Variants in UGT2B4 observed in about 807,000 individuals in gnomAD.
UGT2B4 encodes the protein UDP glucuronosyltransferase family 2 member B4.
Under a neutral mutation model 49.8 loss-of-function variants are expected in UGT2B4, and 49 were observed. That is an observed-to-expected ratio of 0.98 (90% CI 0.78 to 1.25). The LOEUF (loss-of-function observed/expected upper bound fraction) is 1.25. UGT2B4 is among the 50% of genes most tolerant of loss of function. UGT2B4 has a pLI of 0.00. For synonymous variants in UGT2B4, 246 were observed against 217.7 expected, an observed-to-expected ratio of 1.13 and a Z score of -1.14; for missense variants, 729 against 627.7, an observed-to-expected ratio of 1.16 and a Z score of -1.73.
At position 69,480,836 on chromosome 4, in the gene UGT2B4, A is replaced by C. The variant is rs550152016; in HGVS notation, c.1385T>G (p.Phe462Cys). 1.2e-6 allele frequency: 2 copies of C among 1,613,762 alleles called. No homozygotes were observed. Among genetic ancestry groups the C allele is most frequent in the African/African-American group, 2.7e-5 (2 of 74,888 alleles). The change falls in exon 6 of 6, where the codon TTC becomes TGC. Residue 462 changes from phenylalanine to cysteine, a missense_variant. By Grantham distance (205) the Phe-to-Cys change is radical. Transcript: ENST00000305107. Reference protein sequence around the residue: ...QPVKPLDRAVFWIEFVMRHKG... With the variant: ...QPVKPLDRAVCWIEFVMRHKG... ...ATGGCGCATGACAAATTCAATCCAGAAGACTGCTCGATCAAGGGGCTTCAC... is the reference window on the plus strand; with the variant it reads ...ATGGCGCATGACAAATTCAATCCAGCAGACTGCTCGATCAAGGGGCTTCAC...
chr4:69,495,201 C>T lies in UGT2B4; in HGVS notation c.661G>A (p.Glu221Lys), dbSNP rs1268568675. Residue 221 changes from glutamate (E) to lysine (K), a missense_variant, in exon 1 of 6, where the codon GAA (glutamate) becomes AAA (lysine). Physicochemically the swap from Glu to Lys is moderately conservative, Grantham distance 56. Transcript: ENST00000305107. ...VKNMIYVLYF[E>K]FWFQIFDMKK... ...ATGTCAAATATTTGGAACCAAAATT[C>T]AAAATAAAGCACATAGATCATATTT... The T allele has an allele frequency of 6.3e-7, 1 of 1,592,698 alleles. No homozygotes were observed. The highest frequency in any genetic ancestry group is 8.5e-7 in the Non-Finnish European group (1 of 1,172,666).
intron 1 of UGT2B4, among the ~76,000 whole-genome samples, chr4:69,521,951 A>G (rs1463914306): frequency 6.6e-6 from 1 of 152,226 alleles, no homozygotes; most frequent in Non-Finnish European, 1.5e-5. Flanking sequence ...CAAGTGTAGT[A>G]TATTAATGAT....
intron 2 of UGT2B4, among the ~76,000 whole-genome samples, chr4:69,491,817 A>G (rs988584439): frequency 3.3e-5 from 5 of 151,944 alleles, no homozygotes; most frequent in African/African-American, 7.3e-5. Flanking sequence ...CATTAGTCTT[A>G]TCTCAGCTTT....
At chr4:69,490,558 C>G (rs1329932191) in intron 2 of UGT2B4, among the ~76,000 whole-genome samples, 1 of 152,084 alleles carries the variant, frequency 6.6e-6, no homozygotes, top group African/African-American at 2.4e-5. Flanking sequence ...ATCATTCTGA[C>G]CTGTGTTCCC....
intron 1 of UGT2B4, among the ~76,000 whole-genome samples, chr4:69,514,168 C>T (rs1170966736): frequency 1.3e-5 from 2 of 151,912 alleles, no homozygotes; most frequent in African/African-American, 2.4e-5. Context: ...TATACATGTG[C>T]CATGTTGGTG....
At chr4:69,523,167 A>G (rs903925752) in intron 1 of UGT2B4, among the ~76,000 whole-genome samples, 6 of 152,158 alleles carry the variant, frequency 3.9e-5, no homozygotes, top group Admixed American at 3.9e-4. Context: ...ACTCCTTTTA[A>G]TGTTATTTTA....
chr4:69,489,509 G>A lies in UGT2B4; in HGVS notation c.932C>T (p.Ser311Leu), dbSNP rs779529648. The change falls in exon 3 of 6, where the codon TCG becomes TTG. Residue 311 changes from serine to leucine, a missense_variant. Ser to Leu is a moderately radical substitution (Grantham distance 145, BLOSUM62 -2). Coordinates refer to ENST00000305107, the MANE Select transcript of UGT2B4 (RefSeq NM_021139.3). ...TTCTTCTGACGTGTTACTGACCATC[G>A]ACCCCAGAGAAAACACCACAACACC... ...ENGVVVFSLG[S>L]MVSNTSEERA... The A allele has an allele frequency of 9.3e-6, 15 of 1,611,228 alleles. No homozygotes were observed. The Admixed American group carries it at 1.8e-4, about 20-fold the overall frequency.
chr4:69,507,432 A>T (rs1728503011), intron 1 of UGT2B4, among the ~76,000 whole-genome samples: 1 of 152,194 alleles, frequency 6.6e-6, no homozygotes, highest in African/African-American at 2.4e-5. Context: ...GCAAGAGCCA[A>T]GCCAAGATCC....
At chr4:69,505,747 A>G (rs1456180861) in intron 1 of UGT2B4, among the ~76,000 whole-genome samples, 1 of 152,120 alleles carries the variant, frequency 6.6e-6, no homozygotes, top group Non-Finnish European at 1.5e-5. Context: ...TCCACCCCAA[A>G]CAGAAGAATA....
intron 1 of UGT2B4, chr4:69,517,971 G>A (rs1728769987): frequency 6.5e-6 from 1 of 154,828 alleles, no homozygotes; most frequent in Non-Finnish European, 1.5e-5. Context: ...CAGTTTAGTT[G>A]GGTTCCTCTT....
In UGT2B4 at chr4:69,487,679, C is replaced by T. The variant is rs181814231; in HGVS notation, c.1003-983G>A. Among the ~76,000 whole-genome samples the T allele has an allele frequency of 2.1e-3, 327 of 152,182 alleles. 3 individuals are homozygous for T. The highest frequency in any genetic ancestry group is 1.6e-3 in the Non-Finnish European group (106 of 67,980). On this transcript the variant is annotated intron_variant, in intron 3 of 5. Coordinates refer to ENST00000305107, the MANE Select transcript of UGT2B4 (RefSeq NM_021139.3). ...TACCTGTAAGATGAAACAGTCCATA[C>T]AACAAACCCCAAGACATAAGTTTAC...
At chr4:69,483,626 A>T (rs1727678257) in intron 5 of UGT2B4, among the ~76,000 whole-genome samples, 1 of 152,040 alleles carries the variant, frequency 6.6e-6, no homozygotes, top group East Asian at 1.9e-4. Flanking sequence ...ATCATTCATT[A>T]TCCTTCTATT....
At chr4:69,489,147 T>C (rs1465009507) in intron 3 of UGT2B4, among the ~76,000 whole-genome samples, 2 of 152,124 alleles carry the variant, frequency 1.3e-5, no homozygotes, top group Admixed American at 1.3e-4. Flanking sequence ...AATTTGGTGA[T>C]AGCTCTTACC....
At chr4:69,524,120 G>C (rs371090172) in intron 1 of UGT2B4, among the ~76,000 whole-genome samples, 53,276 of 151,716 alleles carry the variant, frequency 0.35, 9,432 homozygotes, top group Non-Finnish European at 0.37. Context: ...CGATAATGCA[G>C]ATTAACTTCT....
intron 1 of UGT2B4, among the ~76,000 whole-genome samples, chr4:69,509,535 C>A (rs942418738): frequency 6.6e-6 from 1 of 152,122 alleles, no homozygotes; most frequent in African/African-American, 2.4e-5. Flanking sequence ...CTAAAAAATA[C>A]ATCCTAAGAG....
chr4:69,515,793 T>C (rs1012346359), intron 1 of UGT2B4, among the ~76,000 whole-genome samples: 3 of 151,348 alleles, frequency 2.0e-5, no homozygotes, highest in African/African-American at 2.4e-5. Context: ...GAGAAAAGAA[T>C]TAAAAAAAAT....
intron 4 of UGT2B4, 80 bp from the exon 5 acceptor site, chr4:69,485,507 G>A (rs1354379855): frequency 1.9e-6 from 3 of 1,566,772 alleles, no homozygotes; most frequent in Non-Finnish European, 2.6e-6. Context: ...GAATGTGACG[G>A]TGTTTCCTAG....
chr4:69,500,300 T>C (rs892925976), upstream of UGT2B4, among the ~76,000 whole-genome samples: 1 of 151,872 alleles, frequency 6.6e-6, no homozygotes, highest in Non-Finnish European at 1.5e-5. Flanking sequence ...GGCTTAATAC[T>C]TCGGTGATGG....
intron 1 of UGT2B4, among the ~76,000 whole-genome samples, chr4:69,525,270 A>G (rs1375214376): frequency 2.6e-5 from 4 of 152,162 alleles, no homozygotes; most frequent in Non-Finnish European, 5.9e-5. Flanking sequence ...TAGACTAAGT[A>G]TGAGACCATA....
Sources: gnomAD v4.1 joint callset for allele counts (sites outside exome capture counted in the v4.1 genomes callset) on GRCh38, gnomAD v4.1.1 for gene constraint, MANE v1.5 for transcripts, NCBI Gene and HGNC (gene_info 2026-07-23, HGNC 2026-07-21) for gene names.